Variants in SHB observed in about 807,000 individuals in gnomAD.
SHB encodes SH2 domain-containing adapter protein B.
A neutral mutation model predicts 52.3 loss-of-function variants in SHB; 20 were observed. That is an observed-to-expected ratio of 0.38 (90% CI 0.27 to 0.56). The LOEUF is 0.56. SHB is among the 20% of genes least tolerant of loss of function. The probability of loss-of-function intolerance (pLI) is 0.71; values close to 1 mark genes in which losing one functional copy is unlikely to be tolerated. For synonymous variants in SHB, 397 were observed against 316.5 expected (o/e 1.25, Z -2.70); for missense variants, 825 against 723.3 (o/e 1.14, Z -1.61).
intron 4 of SHB, among the ~76,000 whole-genome samples, chr9:37,952,711 T>C (rs1587209167): frequency 6.6e-6 from 1 of 152,024 alleles, no homozygotes; most frequent in African/African-American, 2.4e-5. Context: ...CAGATGCTGG[T>C]GTCCGGCAAA....
intron 2 of SHB, among the ~76,000 whole-genome samples, chr9:37,982,060 A>G (rs558058640): frequency 2.6e-5 from 4 of 152,148 alleles, no homozygotes; most frequent in African/African-American, 4.8e-5. Flanking sequence ...TGATAGACTT[A>G]CTTGAAGGAA....
At chr9:37,941,786 G>C (rs991000586) in intron 5 of SHB, among the ~76,000 whole-genome samples, 4 of 152,156 alleles carry the variant, frequency 2.6e-5, no homozygotes, top group Admixed American at 1.3e-4. Context: ...GGACCACCCT[G>C]GTGGCTCACA....
rs569878754 is a variant in SHB at position 37,950,829 on chromosome 9, G to C, written c.1227-2075C>G. Among the ~76,000 whole-genome samples, 5 of 152,372 alleles carry C rather than the reference G, an allele frequency of 3.3e-5. No homozygotes were observed. In the East Asian group the frequency reaches 5.8e-4, roughly 18 times the overall value. On this transcript the variant is annotated intron_variant, in intron 4 of 5. Coordinates refer to ENST00000377707, the MANE Select transcript of SHB (RefSeq NM_003028.3). The stretch of plus-strand genomic sequence containing the variant: ...ACGGCAGCTGCAGCGTTAGCAGAAA[G>C]AGATTGCCCTCGCAGACTGTGTGGT...
At chr9:37,924,136 AAT>A (rs1361087625) in intron 5 of SHB, among the ~76,000 whole-genome samples, 28 of 152,178 alleles carry the variant, frequency 1.8e-4, no homozygotes, top group Admixed American at 1.8e-3. Context: ...TGACCTGTCT[AAT>A]GAGTCTTGTA....
At chr9:38,037,041 G>A (rs972899084) in intron 1 of SHB, among the ~76,000 whole-genome samples, 5 of 152,184 alleles carry the variant, frequency 3.3e-5, no homozygotes, top group Non-Finnish European at 7.4e-5. Context: ...CAAGGGACTG[G>A]TGCAGGACCC....
In SHB at chr9:38,068,653, G is replaced by A; in HGVS notation, c.-8C>T. The A allele has an allele frequency of 7.4e-7, 1 of 1,348,436 alleles. No individual in the cohort carries two copies. Among genetic ancestry groups the A allele is most frequent in the African/African-American group, 1.5e-5 (1 of 65,420 alleles). 83.5% of individuals were successfully genotyped at this position (1,348,436 alleles called of 1,614,324 possible). A position where few individuals can be genotyped will look rare whatever the true frequency, so the allele number is the denominator to read the frequency against. On this transcript the variant is annotated 5_prime_UTR_variant, in exon 1 of 6. Transcript: ENST00000377707. ...GTTTAGCCACTTGGCCATGGCGAGA[G>A]GCCGCCTAGGGCCGCGGCGCGGGAG...
At chr9:38,044,276 T>A (rs1483553654) in intron 1 of SHB, among the ~76,000 whole-genome samples, 4 of 152,246 alleles carry the variant, frequency 2.6e-5, no homozygotes, top group African/African-American at 9.6e-5. Context: ...GGAGTCCCAC[T>A]GCCTGTGGGC....
chr9:37,975,599 G>C (rs1820644483), intron 2 of SHB, among the ~76,000 whole-genome samples: 1 of 152,222 alleles, frequency 6.6e-6, no homozygotes, highest in African/African-American at 2.4e-5. Flanking sequence ...CTGCTGCTCA[G>C]TCCTGGGAGG....
intron 5 of SHB, among the ~76,000 whole-genome samples, chr9:37,934,709 G>C (rs771666746): frequency 1.3e-5 from 2 of 152,174 alleles, no homozygotes; most frequent in Admixed American, 6.5e-5. Flanking sequence ...TCACGGTTCT[G>C]GGGGGCAAAT....
chr9:38,017,925 CG>C (rs1821235939), intron 1 of SHB, among the ~76,000 whole-genome samples: 1 of 152,164 alleles, frequency 6.6e-6, no homozygotes, highest in Non-Finnish European at 1.5e-5. Context: ...TGCTGTCAAA[CG>C]GAACAGTTCA....
intron 5 of SHB, among the ~76,000 whole-genome samples, chr9:37,930,182 A>C (rs1399297455): frequency 6.6e-6 from 1 of 152,220 alleles, no homozygotes; most frequent in Non-Finnish European, 1.5e-5. Context: ...TACTGTGTGC[A>C]CTGCTCTAAA....
intron 2 of SHB, among the ~76,000 whole-genome samples, chr9:37,996,005 G>A (rs1370299585): frequency 6.6e-6 from 1 of 152,170 alleles, no homozygotes; most frequent in African/African-American, 2.4e-5. Flanking sequence ...CTCTTACAGG[G>A]TTCACCAGAA....
intron 2 of SHB, among the ~76,000 whole-genome samples, chr9:37,983,129 C>A (rs1249274025): frequency 6.6e-6 from 1 of 152,204 alleles, no homozygotes; most frequent in Admixed American, 6.5e-5. Flanking sequence ...GAGCTCCCAA[C>A]AGGGACAGAC....
chr9:38,010,728 T>C (rs954123597), intron 2 of SHB, among the ~76,000 whole-genome samples: 4 of 152,244 alleles, frequency 2.6e-5, no homozygotes, highest in African/African-American at 9.6e-5. Flanking sequence ...TCTGTGGATG[T>C]TCCTGGAGGG....
Position 37,946,248 on chromosome 9 carries a change from C to T in SHB, c.1346+2387G>A, listed in dbSNP as rs570052221. On this transcript the variant is annotated intron_variant, in intron 5 of 5. Coordinates refer to ENST00000377707, the MANE Select transcript of SHB (RefSeq NM_003028.3). ...CTGGGCCCTTGGGACTGCATGCCTA[C>T]GCTGTGAGGGCAGAATCAACGTGTC... Among the ~76,000 whole-genome samples the T allele has an allele frequency of 7.2e-5, 11 of 152,332 alleles. No homozygotes were observed. The East Asian group carries it at 1.4e-3, about 19-fold the overall frequency.
chr9:37,982,332 A>G lies in SHB; in HGVS notation c.839-7495T>C, dbSNP rs187444945. On this transcript the variant is annotated intron_variant, in intron 2 of 5. Coordinates refer to ENST00000377707, the MANE Select transcript of SHB (RefSeq NM_003028.3). ...ACATGGTAAAACCCCGTCTCTACTA[A>G]AAATACAAAAATTAGAGGGGTGTGG... 3.1e-3 allele frequency among the ~76,000 whole-genome samples: 478 copies of G among 152,224 alleles called. 3 individuals are homozygous for G. Among genetic ancestry groups the G allele is most frequent in the Middle Eastern group, 0.01 (3 of 294 alleles).
At chr9:38,057,238 G>A (rs546416711) in intron 1 of SHB, among the ~76,000 whole-genome samples, 1 of 152,156 alleles carries the variant, frequency 6.6e-6, no homozygotes, top group Non-Finnish European at 1.5e-5. Context: ...AGATATTGTA[G>A]ACATCTTTCC....
intron 1 of SHB, among the ~76,000 whole-genome samples, chr9:38,020,477 C>T (rs1204908319): frequency 6.6e-6 from 1 of 152,256 alleles, no homozygotes; most frequent in Non-Finnish European, 1.5e-5. Context: ...CCAGGTATTG[C>T]TCAGCCCTGT....
chr9:37,923,623 G>C (rs1299581828), intron 5 of SHB, among the ~76,000 whole-genome samples: 1 of 152,236 alleles, frequency 6.6e-6, no homozygotes, highest in Non-Finnish European at 1.5e-5. Flanking sequence ...GCAGCTGCCA[G>C]GAGTGGCTTC....
Sources: gnomAD v4.1 joint callset for allele counts (sites outside exome capture counted in the v4.1 genomes callset) on GRCh38, gnomAD v4.1.1 for gene constraint, MANE v1.5 for transcripts, NCBI Gene and HGNC (gene_info 2026-07-23, HGNC 2026-07-21) for gene names.